RFC4: variants seen among roughly 807,000 people sequenced by gnomAD.
RFC4 encodes A1 37 kDa subunit.
RFC4 carries 38 observed loss-of-function variants against 47.6 expected under a neutral mutation model. That is an observed-to-expected ratio of 0.80 (90% CI 0.62 to 1.05). RFC4 has a LOEUF of 1.05. Among genes scored for constraint, RFC4 ranks in the 50% least tolerant of loss-of-function variants. The pLI is 0.00. For missense variants in RFC4, 489 were observed against 434.0 expected, an observed-to-expected ratio of 1.13 and a Z score of -1.13; for synonymous variants, 164 against 150.0, an observed-to-expected ratio of 1.09 and a Z score of -0.68.
At chr3:186,804,516 A>G (rs1267554896) in intron 2 of RFC4, 67 bp downstream of exon 2, 1 of 1,465,114 alleles carries the variant, frequency 6.8e-7, no homozygotes, top group Non-Finnish European at 9.2e-7. Context: ...AAAAAAAAAA[A>G]AAGTGATCAG....
chr3:186,790,485 C>T (rs1182449520), intron 8 of RFC4, 79 bp from the exon 9 acceptor site: 7 of 994,012 alleles, frequency 7.0e-6, no homozygotes, highest in Middle Eastern at 2.1e-4. Context: ...CCCCCGTGCC[C>T]CCAGTCATTT....
intron 2 of RFC4, among the ~76,000 whole-genome samples, chr3:186,803,121 T>A (rs1324596261): frequency 6.6e-6 from 1 of 152,136 alleles, no homozygotes; most frequent in Non-Finnish European, 1.5e-5. Flanking sequence ...GGCAGGCAGA[T>A]CACCTGAGAT....
Position 186,789,970 on chromosome 3 carries a change from TAAC to T in RFC4, c.1088_1090del (p.Cys363del), listed in dbSNP as rs781595216. 6.3e-7 allele frequency: 1 copy of T among 1,594,266 alleles called. No individual in the cohort carries two copies. The highest frequency in any genetic ancestry group is 1.3e-5 in the African/African-American group (1 of 74,724). On this transcript the variant is annotated inframe_deletion, in exon 11 of 11. Transcript: ENST00000296273. Reference sequence around the variant, plus strand: ...ACCCCCCATCCAGATATATTCACGTTAACAATTCTGAGATAACTGCTGCATCAC... The same window carrying T: ...ACCCCCCATCCAGATATATTCACGTTAATTCTGAGATAACTGCTGCATCAC...
intron 3 of RFC4, among the ~76,000 whole-genome samples, chr3:186,799,659 G>C (rs1722311260): frequency 1.3e-5 from 2 of 152,102 alleles, no homozygotes; most frequent in Non-Finnish European, 2.9e-5. Context: ...GTTGCAGTGA[G>C]CTGGTATCAC....
chr3:186,800,295 T>C (rs578069005), intron 3 of RFC4, among the ~76,000 whole-genome samples: 1 of 152,218 alleles, frequency 6.6e-6, no homozygotes, highest in African/African-American at 2.4e-5. Context: ...TCAAAACACA[T>C]ACTGGTAAAG....
At chr3:186,801,261 G>A in intron 2 of RFC4, 66 bp from the exon 3 acceptor site, 3 of 1,165,496 alleles carry the variant, frequency 2.6e-6, no homozygotes, top group Non-Finnish European at 3.9e-6. Flanking sequence ...AAACTCTCAA[G>A]TGTTCCTTCT....
At chr3:186,795,015 T>G (rs982767208) in intron 4 of RFC4, among the ~76,000 whole-genome samples, 8 of 152,236 alleles carry the variant, frequency 5.3e-5, no homozygotes, top group African/African-American at 1.9e-4. Context: ...TTTCTTTTTA[T>G]TTTTTTGGAG....
intron 4 of RFC4, among the ~76,000 whole-genome samples, chr3:186,795,721 A>AGGTTCAAGCT (rs1560091885): frequency 6.6e-6 from 1 of 152,062 alleles, no homozygotes; most frequent in Non-Finnish European, 1.5e-5. Flanking sequence ...TGAACCCGGG[A>AGGTTCAAGCT]TGTGGAGGTT....
chr3:186,792,768 G>T (rs770724795), intron 6 of RFC4, 36 bp downstream of exon 6: 1 of 1,576,048 alleles, frequency 6.3e-7, no homozygotes, highest in South Asian at 1.2e-5. Flanking sequence ...TGAAAATAAG[G>T]CTGCCTAGCA....
intron 2 of RFC4, among the ~76,000 whole-genome samples, chr3:186,804,010 C>T (rs1290082691): frequency 2.0e-5 from 3 of 151,832 alleles, no homozygotes; most frequent in Non-Finnish European, 1.5e-5. Context: ...GGTGAAACCC[C>T]GTCTCTACTA....
chr3:186,790,860 G>A (rs753953908), intron 8 of RFC4, among the ~76,000 whole-genome samples: 60 of 152,128 alleles, frequency 3.9e-4, no homozygotes, highest in Middle Eastern at 3.2e-3. Context: ...GAGGATTAGT[G>A]GTACCAGTCT....
intron 8 of RFC4, 48 bp from the exon 9 acceptor site, chr3:186,790,454 G>C: frequency 7.5e-7 from 1 of 1,339,476 alleles, no homozygotes; most frequent in Non-Finnish European, 1.1e-6. Context: ...GGTGAGACTA[G>C]ACATACACTC....
Position 186,796,070 on chromosome 3 carries a change from A to C in RFC4, c.291-1293T>G, listed in dbSNP as rs1451725279. 6.6e-6 allele frequency among the ~76,000 whole-genome samples: 1 copy of C among 151,998 alleles called. No individual in the cohort carries two copies. The highest frequency in any genetic ancestry group is 2.4e-5 in the African/African-American group (1 of 41,402). On this transcript the variant is annotated intron_variant, in intron 4 of 10. Transcript: ENST00000296273. The surrounding 1 kb of genome is among the most constrained non-coding windows in gnomAD (Gnocchi z 4.2). Reference sequence around the variant, plus strand: ...ACACACACACATTTAAATAAAAAACAAGAGTTGTGATTTAGTTTCATCTCT... The same window carrying C: ...ACACACACACATTTAAATAAAAAACCAGAGTTGTGATTTAGTTTCATCTCT...
Position 186,793,096 on chromosome 3 carries a change from A to G in RFC4, c.411-149T>C. ...ATGTTCACAAAGTTGTGCAACCATT[A>G]CCACAATCTAATTTTAGAACATTTT... On this transcript the variant is annotated intron_variant, in intron 5 of 10. Transcript: ENST00000296273. The surrounding 1 kb of genome is among the most constrained non-coding windows in gnomAD (Gnocchi z 4.2). 1.5e-6 allele frequency: 1 copy of G among 679,242 alleles called. No individual in the cohort carries two copies. The highest frequency in any genetic ancestry group is 2.4e-6 in the Non-Finnish European group (1 of 422,464). The allele number at this position is 679,242 out of a possible 1,614,324, so 42.1% of individuals were successfully genotyped here.
In RFC4 at chr3:186,793,068, T is replaced by C; in HGVS notation, c.411-121A>G. 1.2e-6 allele frequency: 1 copy of C among 834,628 alleles called. No homozygotes were observed. 51.7% of individuals were successfully genotyped at this position (834,628 alleles called of 1,614,324 possible). A position where few individuals can be genotyped will look rare whatever the true frequency, so the allele number is the denominator to read the frequency against. On this transcript the variant is annotated intron_variant, in intron 5 of 10. Transcript: ENST00000296273. The surrounding 1 kb of genome is among the most constrained non-coding windows in gnomAD (Gnocchi z 4.2). ...TAAAATGTACAATTCAGTGTTTTTCTGTATGTTCACAAAGTTGTGCAACCA... is the reference window on the plus strand; with the variant it reads ...TAAAATGTACAATTCAGTGTTTTTCCGTATGTTCACAAAGTTGTGCAACCA...
At chr3:186,798,144 T>C (rs528375833) in intron 3 of RFC4, among the ~76,000 whole-genome samples, 83 of 152,200 alleles carry the variant, frequency 5.5e-4, no homozygotes, top group African/African-American at 1.7e-3. Context: ...AAACTAGATA[T>C]ATATTAAGTA....
chr3:186,798,554 AC>A (rs1722289622), intron 3 of RFC4, among the ~76,000 whole-genome samples: 3 of 151,646 alleles, frequency 2.0e-5, no homozygotes, highest in African/African-American at 4.8e-5. Context: ...AAACCAAAAA[AC>A]CCTCAGCTTT....
At position 186,804,607 on chromosome 3, in the gene RFC4, T is replaced by C. The variant is rs1470760543; in HGVS notation, c.107A>G (p.Lys36Arg). The change falls in exon 2 of 11, where the codon AAA becomes AGA. Residue 36 changes from lysine to arginine, a missense_variant. Coordinates refer to ENST00000296273, the MANE Select transcript of RFC4 (RefSeq NM_002916.5). Reference protein sequence around the residue: ...AGSSGENKKAKPVPWVEKYRP... With the variant: ...AGSSGENKKARPVPWVEKYRP... The stretch of plus-strand genomic sequence containing the variant: ...CTATTTTTCCACCCAGGGAACGGGT[T>C]TGGCTTTCTTGTTCTCTCCGCTACT... 6.2e-7 allele frequency: 1 copy of C among 1,614,102 alleles called. No individual in the cohort carries two copies. The highest frequency in any genetic ancestry group is 1.1e-5 in the South Asian group (1 of 91,072).
chr3:186,789,906 T>C lies in RFC4; in HGVS notation c.*63A>G. The C allele has an allele frequency of 9.6e-7, 1 of 1,042,102 alleles. No homozygotes were observed. Among genetic ancestry groups the C allele is most frequent in the South Asian group, 1.4e-5 (1 of 71,726 alleles). The allele number at this position is 1,042,102 out of a possible 1,614,324, so 64.6% of individuals were successfully genotyped here. ...TGTATATTCACTTTAAAGGTGCTTTTGGTCATTTTATTTTTATTACAACTT... is the reference window on the plus strand; with the variant it reads ...TGTATATTCACTTTAAAGGTGCTTTCGGTCATTTTATTTTTATTACAACTT... On this transcript the variant is annotated 3_prime_UTR_variant, in exon 11 of 11. Coordinates refer to ENST00000296273, the MANE Select transcript of RFC4 (RefSeq NM_002916.5).
Sources: gnomAD v4.1 joint callset for allele counts (sites outside exome capture counted in the v4.1 genomes callset) on GRCh38, gnomAD v4.1.1 for gene constraint, Gnocchi (gnomAD v3.1) non-coding constraint, MANE v1.5 for transcripts, NCBI Gene and HGNC (gene_info 2026-07-23, HGNC 2026-07-21) for gene names.